CAMTA1: variants seen among roughly 807,000 people sequenced by gnomAD.
CAMTA1 encodes the protein calmodulin binding transcription activator 1, also known as calmodulin-binding transcription activator 1.
In CAMTA1, 27 loss-of-function variants were observed where a neutral mutation model predicts 170.9. The ratio of observed to expected loss-of-function variants is 0.16; its 90% CI spans 0.12 to 0.22. CAMTA1 has a LOEUF of 0.22. CAMTA1 is among the 10% of genes least tolerant of loss of function. CAMTA1 has a pLI of 1.00. For missense variants in CAMTA1, 1,619 were observed against 2,217.2 expected, an observed-to-expected ratio of 0.73 and a Z score of 5.42; for synonymous variants, 833 against 891.5, an observed-to-expected ratio of 0.93 and a Z score of 1.17.
intron 5 of CAMTA1, among the ~76,000 whole-genome samples, chr1:7,350,167 C>T (rs1448389814): frequency 6.6e-6 from 1 of 152,162 alleles, no homozygotes; most frequent in African/African-American, 2.4e-5. Flanking sequence ...CTTGTTCTCC[C>T]CCACTATCCC....
At chr1:6,963,253 GC>G (rs1690842567) in intron 3 of CAMTA1, among the ~76,000 whole-genome samples, 1 of 39,316 alleles carries the variant, frequency 2.5e-5, no homozygotes, top group Admixed American at 3.5e-4. Flanking sequence ...GCCCCATCTG[GC>G]TCCTCCCACC....
chr1:7,746,166 A>T, intron 18 of CAMTA1, 75 bp downstream of exon 18: 1 of 1,510,244 alleles, frequency 6.6e-7, no homozygotes, highest in Non-Finnish European at 9.0e-7. Context: ...GAATCATGCG[A>T]ACAAAAACAT....
chr1:7,504,200 C>G (rs1229771079), intron 6 of CAMTA1, among the ~76,000 whole-genome samples: 2 of 152,186 alleles, frequency 1.3e-5, no homozygotes, highest in Admixed American at 1.3e-4. Flanking sequence ...TGCAATCAGC[C>G]TCCCGGGTCC....
intron 4 of CAMTA1, among the ~76,000 whole-genome samples, chr1:7,101,005 C>T (rs142536635): frequency 0.014 from 2,097 of 152,280 alleles, 32 homozygotes; most frequent in Middle Eastern, 0.034. Context: ...TGACCCTTGC[C>T]AGCATCTCTA....
chr1:7,597,591 G>C (rs562717601), intron 6 of CAMTA1, among the ~76,000 whole-genome samples: 1 of 152,300 alleles, frequency 6.6e-6, no homozygotes, highest in East Asian at 1.9e-4. Flanking sequence ...GAGAGAGAGA[G>C]AGAGGAGCAT....
At chr1:6,794,880 C>CTTTTTTTTTTTTTTTTTTTTTTTTTTT (rs1305335139) in intron 1 of CAMTA1, among the ~76,000 whole-genome samples, 2 of 141,898 alleles carry the variant, frequency 1.4e-5, no homozygotes, top group Non-Finnish European at 3.1e-5. Flanking sequence ...TAGATAAAGG[C>CTTTTTTTTTTTTTTTTTTTTTTTTTTT]TTTTTTTTTG....
intron 4 of CAMTA1, among the ~76,000 whole-genome samples, chr1:7,099,878 G>T (rs570718690): frequency 6.6e-6 from 1 of 152,326 alleles, no homozygotes; most frequent in South Asian, 2.1e-4. Context: ...TATAGCCTGT[G>T]TTTCTTGCCT....
chr1:7,490,296 C>T (rs1459096323), intron 6 of CAMTA1, among the ~76,000 whole-genome samples: 1 of 152,218 alleles, frequency 6.6e-6, no homozygotes, highest in African/African-American at 2.4e-5. Context: ...GTCACTGCCG[C>T]GGGCATCGAT....
intron 5 of CAMTA1, among the ~76,000 whole-genome samples, chr1:7,438,487 G>A (rs2092418330): frequency 6.6e-6 from 1 of 152,130 alleles, no homozygotes; most frequent in South Asian, 2.1e-4. Context: ...CAAGGGCCTG[G>A]GCTCAGCCAG....
In CAMTA1 at chr1:7,007,935, G is replaced by A. The variant is rs570696972; in HGVS notation, c.235-83369G>A. 3.9e-5 allele frequency among the ~76,000 whole-genome samples: 6 copies of A among 152,230 alleles called. No homozygotes were observed. The highest frequency in any genetic ancestry group is 2.0e-4 in the Admixed American group (3 of 15,288). Reference sequence around the variant, plus strand: ...GGGAAACAGCGTTCCATACAATTGAGTGACAGAGCCCTGCGTGGAAAGGGA... The same window carrying A: ...GGGAAACAGCGTTCCATACAATTGAATGACAGAGCCCTGCGTGGAAAGGGA... On this transcript the variant is annotated intron_variant, in intron 3 of 22. Transcript: ENST00000303635. This position sits in a 1 kb window ranked among gnomAD's most constrained non-coding sequence, Gnocchi z 4.5.
chr1:7,044,368 C>G lies in CAMTA1; in HGVS notation c.235-46936C>G, dbSNP rs1465826134. Among the ~76,000 whole-genome samples the G allele has an allele frequency of 6.6e-6, 1 of 151,960 alleles. No homozygotes were observed. The highest frequency in any genetic ancestry group is 6.5e-5 in the Admixed American group (1 of 15,272). Reference sequence around the variant, plus strand: ...GACTCAGAGCAGTGCCGCTGGGGACCCTGGGGACTCACAGCAGTACTGCTG... The same window carrying G: ...GACTCAGAGCAGTGCCGCTGGGGACGCTGGGGACTCACAGCAGTACTGCTG... On this transcript the variant is annotated intron_variant, in intron 3 of 22. Coordinates refer to ENST00000303635, the MANE Select transcript of CAMTA1 (RefSeq NM_015215.4). The surrounding 1 kb of genome is among the most constrained non-coding windows in gnomAD (Gnocchi z 5.0).
At chr1:7,650,761 G>T (rs529137900) in intron 7 of CAMTA1, among the ~76,000 whole-genome samples, 24 of 152,208 alleles carry the variant, frequency 1.6e-4, no homozygotes, top group Admixed American at 8.5e-4. Flanking sequence ...ACCAATAGGC[G>T]AATGAGAGTT....
At chr1:7,241,551 A>G (rs1350860717) in intron 4 of CAMTA1, among the ~76,000 whole-genome samples, 1 of 152,260 alleles carries the variant, frequency 6.6e-6, no homozygotes, top group East Asian at 1.9e-4. Flanking sequence ...TTCAAAACTT[A>G]TTATAAAGCT....
intron 4 of CAMTA1, among the ~76,000 whole-genome samples, chr1:7,208,260 C>G (rs1440692294): frequency 6.6e-6 from 1 of 152,216 alleles, no homozygotes; most frequent in Non-Finnish European, 1.5e-5. Context: ...TTGGTTTGTT[C>G]TTTGGTTTGT....
In CAMTA1 at chr1:7,635,631, A is replaced by G. The variant is rs1177847235; in HGVS notation, c.511-4769A>G. Among the ~76,000 whole-genome samples, 1 of 147,888 alleles carries G rather than the reference A, an allele frequency of 6.8e-6. No homozygotes were observed. Among genetic ancestry groups the G allele is most frequent in the East Asian group, 2.0e-4 (1 of 5,080 alleles). ...CTCAAAAAAAAAAAAAAAAAAATAC[A>G]GGGCCCTGGCGGGGTCTGTCCCCTG... On this transcript the variant is annotated intron_variant, in intron 6 of 22. Transcript: ENST00000303635. This position sits in a 1 kb window ranked among gnomAD's most constrained non-coding sequence, Gnocchi z 4.4.
intron 4 of CAMTA1, among the ~76,000 whole-genome samples, chr1:7,186,769 A>G (rs1653369155): frequency 6.6e-6 from 1 of 152,224 alleles, no homozygotes; most frequent in Non-Finnish European, 1.5e-5. Flanking sequence ...TATTCCTTGC[A>G]ATAAGCCAGG....
At chr1:7,135,861 T>G (rs1234669351) in intron 4 of CAMTA1, among the ~76,000 whole-genome samples, 1 of 152,188 alleles carries the variant, frequency 6.6e-6, no homozygotes. Context: ...TAACACTCTG[T>G]GCTGTTACAA....
chr1:7,685,071 C>T lies in CAMTA1; in HGVS notation c.2914+7338C>T, dbSNP rs569880289. 7.4e-5 allele frequency among the ~76,000 whole-genome samples: 11 copies of T among 149,368 alleles called. No homozygotes were observed. The South Asian group carries it at 1.7e-3, about 24-fold the overall frequency. On this transcript the variant is annotated intron_variant, in intron 11 of 22. Coordinates refer to ENST00000303635, the MANE Select transcript of CAMTA1 (RefSeq NM_015215.4). The surrounding 1 kb of genome is among the most constrained non-coding windows in gnomAD (Gnocchi z 5.7). ...TTTGAGGAGTTCGCAGGCACCGTCC[C>T]GTGGTCACAGGTGGCGTGTTTTGAG...
intron 4 of CAMTA1, among the ~76,000 whole-genome samples, chr1:7,246,725 G>A (rs1436529975): frequency 7.6e-6 from 1 of 132,380 alleles, no homozygotes; most frequent in African/African-American, 2.9e-5. Flanking sequence ...AGAGTGCCGT[G>A]GCACGATCTC....
Sources: gnomAD v4.1 joint callset for allele counts (sites outside exome capture counted in the v4.1 genomes callset) on GRCh38, gnomAD v4.1.1 for gene constraint, Gnocchi (gnomAD v3.1) non-coding constraint, MANE v1.5 for transcripts, NCBI Gene and HGNC (gene_info 2026-07-23, HGNC 2026-07-21) for gene names.